The following GABRB1 variants were observed in gnomAD, a reference collection of about 807,000 sequenced individuals.
GABRB1 encodes the protein gamma-aminobutyric acid receptor subunit beta-1.
Under a neutral mutation model 51.6 loss-of-function variants are expected in GABRB1, and 17 were observed. The ratio of observed to expected loss-of-function variants is 0.33; its 90% CI spans 0.23 to 0.49. The LOEUF (loss-of-function observed/expected upper bound fraction) is 0.49, where lower values mean the gene tolerates loss of function less well. Ranked by LOEUF, GABRB1 falls within the 20% of genes least tolerant of loss-of-function variation. GABRB1 has a pLI of 0.99. For missense variants in GABRB1, 410 were observed against 600.6 expected (o/e 0.68, Z 3.32); for synonymous variants, 247 against 218.9 (o/e 1.13, Z -1.14).
chr4:47,231,247 T>G (rs1336017073), intron 4 of GABRB1, among the ~76,000 whole-genome samples: 2 of 152,172 alleles, frequency 1.3e-5, no homozygotes, highest in Admixed American at 1.3e-4. Context: ...ATAAAAGAAG[T>G]TTAAAATAAA....
At chr4:47,184,534 A>C (rs906779890) in intron 4 of GABRB1, among the ~76,000 whole-genome samples, 2 of 151,872 alleles carry the variant, frequency 1.3e-5, no homozygotes, top group African/African-American at 4.8e-5. Flanking sequence ...TTCTTTTAGC[A>C]CTACACTGAA....
At chr4:47,275,354 C>T (rs967756622) in intron 4 of GABRB1, among the ~76,000 whole-genome samples, 2 of 152,050 alleles carry the variant, frequency 1.3e-5, no homozygotes, top group African/African-American at 4.8e-5. Context: ...CTAGTAGAGG[C>T]TAAGACCATG....
intron 3 of GABRB1, among the ~76,000 whole-genome samples, chr4:47,085,575 T>C (rs973095081): frequency 6.7e-6 from 1 of 150,062 alleles, no homozygotes; most frequent in African/African-American, 2.4e-5. Flanking sequence ...CAGCAAGTTC[T>C]AAAAAAAAAA....
At chr4:47,232,040 G>C (rs1164931664) in intron 4 of GABRB1, among the ~76,000 whole-genome samples, 1 of 152,180 alleles carries the variant, frequency 6.6e-6, no homozygotes, top group African/African-American at 2.4e-5. Flanking sequence ...AAGGGAGCAA[G>C]CTGTAAATAT....
At chr4:47,100,271 T>C (rs1714665752) in intron 3 of GABRB1, among the ~76,000 whole-genome samples, 1 of 152,018 alleles carries the variant, frequency 6.6e-6, no homozygotes, top group Admixed American at 6.6e-5. Flanking sequence ...TGGTTATTTG[T>C]AAAATTATAC....
chr4:47,350,218 T>TATATATATATATATAG (rs750199965), intron 5 of GABRB1, among the ~76,000 whole-genome samples: 6 of 56,656 alleles, frequency 1.1e-4, no homozygotes, highest in East Asian at 1.8e-3. Flanking sequence ...TATATATATA[T>TATATATATATATATAG]AGAGAGAGAG....
In GABRB1 at chr4:47,243,079, G is replaced by C. The variant is rs556121139; in HGVS notation, c.462-77048G>C. On this transcript the variant is annotated intron_variant, in intron 4 of 8. Transcript: ENST00000295454. ...ATTTTTGTATCAGGTGTAAGGAAGG[G>C]ATCCAGTTTCAGCTTTCTACATATG... 3.9e-5 allele frequency among the ~76,000 whole-genome samples: 6 copies of C among 152,260 alleles called. No homozygotes were observed. The East Asian group carries it at 7.7e-4, about 20-fold the overall frequency.
intron 3 of GABRB1, among the ~76,000 whole-genome samples, chr4:47,155,011 CTGAT>C (rs1341000230): frequency 1.3e-5 from 2 of 152,070 alleles, no homozygotes; most frequent in African/African-American, 4.8e-5. Context: ...AGAAAGGACT[CTGAT>C]TGGTCCATCT....
chr4:47,201,328 T>TA (rs1719887296), intron 4 of GABRB1, among the ~76,000 whole-genome samples: 1 of 152,086 alleles, frequency 6.6e-6, no homozygotes, highest in Non-Finnish European at 1.5e-5. Flanking sequence ...ATACTTTATC[T>TA]AAAAAAAGAA....
chr4:47,121,509 G>A (rs1161585671), intron 3 of GABRB1, among the ~76,000 whole-genome samples: 2 of 152,130 alleles, frequency 1.3e-5, no homozygotes, highest in Admixed American at 6.6e-5. Context: ...TTCCTGAAGG[G>A]AGGATGATTG....
chr4:47,277,601 A>C (rs772567428), intron 4 of GABRB1, among the ~76,000 whole-genome samples: 2 of 152,098 alleles, frequency 1.3e-5, no homozygotes, highest in Non-Finnish European at 2.9e-5. Flanking sequence ...GCCTATATCA[A>C]AACATCTCAT....
In GABRB1 at chr4:47,031,875, G is replaced by A. The variant is rs369463882; in HGVS notation, c.81-39G>A. 7.0e-6 allele frequency: 11 copies of A among 1,575,984 alleles called. No homozygotes were observed. In the African/African-American group the frequency reaches 1.4e-4, roughly 19 times the overall value. Reference sequence around the variant, plus strand: ...ATCTTTTTATATGTGCTCACAGTTTGTGCTCATTTTGAATACGGTCCCTAC... The same window carrying A: ...ATCTTTTTATATGTGCTCACAGTTTATGCTCATTTTGAATACGGTCCCTAC... On this transcript the variant is annotated intron_variant, in intron 1 of 8. Transcript: ENST00000295454.
intron 5 of GABRB1, among the ~76,000 whole-genome samples, chr4:47,359,974 T>C (rs1726739620): frequency 6.6e-6 from 1 of 152,078 alleles, no homozygotes; most frequent in Non-Finnish European, 1.5e-5. Context: ...AGACTTGAAG[T>C]AAAAATGAAT....
intron 5 of GABRB1, among the ~76,000 whole-genome samples, chr4:47,349,879 T>C (rs906383381): frequency 1.3e-5 from 2 of 152,176 alleles, no homozygotes; most frequent in African/African-American, 2.4e-5. Flanking sequence ...ATTTCCCTCA[T>C]TGAAATTATG....
intron 4 of GABRB1, among the ~76,000 whole-genome samples, chr4:47,240,572 A>G (rs183872637): frequency 1.1e-3 from 165 of 152,352 alleles, no homozygotes; most frequent in African/African-American, 3.8e-3. Flanking sequence ...TCTTCCTTTT[A>G]ATACACGAAG....
intron 5 of GABRB1, among the ~76,000 whole-genome samples, chr4:47,329,359 G>T (rs1417833434): frequency 6.6e-6 from 1 of 150,760 alleles, no homozygotes; most frequent in Non-Finnish European, 1.5e-5. Context: ...CCTATTGGCT[G>T]TATTTTATAC....
intron 7 of GABRB1, among the ~76,000 whole-genome samples, chr4:47,403,931 C>T (rs1385581855): frequency 6.6e-6 from 1 of 152,144 alleles, no homozygotes; most frequent in Non-Finnish European, 1.5e-5. Flanking sequence ...AAACAAAAAT[C>T]TTGGAATATA....
chr4:47,288,998 A>G (rs541188302), intron 4 of GABRB1, among the ~76,000 whole-genome samples: 1 of 152,330 alleles, frequency 6.6e-6, no homozygotes, highest in East Asian at 1.9e-4. Flanking sequence ...AAAGATGATC[A>G]ATATAGATGA....
chr4:47,014,641 C>G (rs952168110), intron 1 of GABRB1, among the ~76,000 whole-genome samples: 1 of 152,010 alleles, frequency 6.6e-6, no homozygotes, highest in Non-Finnish European at 1.5e-5. Flanking sequence ...GCATCAGATC[C>G]CACAGGTTAA....
Sources: allele counts gnomAD v4.1 joint callset (sites outside exome capture counted in the v4.1 genomes callset), GRCh38; gene constraint gnomAD v4.1.1; transcripts MANE v1.5; gene names NCBI Gene and HGNC (gene_info 2026-07-23, HGNC 2026-07-21).